Variants in AACS observed in about 807,000 individuals in gnomAD.
The protein encoded by AACS is acetoacetate-CoA ligase.
AACS carries 69 observed loss-of-function variants against 83.1 expected under a neutral mutation model. The ratio of observed to expected loss-of-function variants is 0.83; its 90% CI spans 0.68 to 1.01. The LOEUF is 1.01. Ranked by LOEUF, AACS falls within the 50% of genes least tolerant of loss-of-function variation. The probability of loss-of-function intolerance (pLI) is 0.00; values close to 1 mark genes in which losing one functional copy is unlikely to be tolerated. For synonymous variants in AACS, 333 were observed against 343.4 expected (o/e 0.97, Z 0.33); for missense variants, 866 against 882.2 (o/e 0.98, Z 0.23).
At chr12:125,121,269 A>T (rs576949069) in intron 10 of AACS, 1 of 152,568 alleles carries the variant, frequency 6.6e-6, no homozygotes, top group African/African-American at 2.4e-5. Context: ...GGTCGCCACC[A>T]GCAGTGAGAG....
At chr12:125,082,604 C>A (rs1302769040) in intron 3 of AACS, among the ~76,000 whole-genome samples, 1 of 152,006 alleles carries the variant, frequency 6.6e-6, no homozygotes, top group African/African-American at 2.4e-5. Context: ...GGGTGGATCA[C>A]AAGGTCAGGA....
chr12:125,137,189 TA>T lies in AACS; in HGVS notation c.1881+326del, dbSNP rs561307198. On this transcript the variant is annotated intron_variant, in intron 17 of 17. Transcript: ENST00000316519. ...AATTTTAACTTTTTATTTTTTATTT[TA>T]TTTTTTTGAGACTGAGTCTGTCACC... is the stretch of plus-strand genomic sequence containing the variant. 1.6e-4 allele frequency among the ~76,000 whole-genome samples: 24 copies of T among 152,348 alleles called. No individual in the cohort carries two copies. In the South Asian group the frequency reaches 5.0e-3, roughly 32 times the overall value.
chr12:125,083,860 G>A (rs1956262097), intron 3 of AACS, among the ~76,000 whole-genome samples: 1 of 151,652 alleles, frequency 6.6e-6, no homozygotes, highest in Admixed American at 6.6e-5. Flanking sequence ...CACCATGTTG[G>A]CCAGGCTGGT....
intron 1 of AACS, among the ~76,000 whole-genome samples, chr12:125,069,302 C>T (rs2136027250): frequency 6.6e-6 from 1 of 152,350 alleles, no homozygotes; most frequent in East Asian, 1.9e-4. Context: ...TTGCTCCCGC[C>T]CTGCAGGCTT....
intron 5 of AACS, among the ~76,000 whole-genome samples, chr12:125,093,980 C>T (rs1341764958): frequency 6.6e-6 from 1 of 152,202 alleles, no homozygotes; most frequent in Non-Finnish European, 1.5e-5. Flanking sequence ...GCGCTTGGTC[C>T]CACAGACACC....
intron 14 of AACS, among the ~76,000 whole-genome samples, chr12:125,132,235 T>C (rs1425446622): frequency 2.0e-5 from 3 of 151,214 alleles, no homozygotes; most frequent in Non-Finnish European, 4.4e-5. Context: ...GGGATCAAAG[T>C]GTGTCGGGGA....
chr12:125,099,244 G>C (rs73421900), intron 5 of AACS, among the ~76,000 whole-genome samples: 5,293 of 152,254 alleles, frequency 0.035, 188 homozygotes, highest in East Asian at 0.092. Context: ...TGTGTTTCCT[G>C]TCTTTCTCCG....
chr12:125,084,260 G>A lies in AACS; in HGVS notation c.359-2070G>A, dbSNP rs1340930590. On this transcript the variant is annotated intron_variant, in intron 3 of 17. Transcript: ENST00000316519. ...TTGAACCTGGGAGGCGGAGGGTGCA[G>A]TGAGCTGAGATCGCACCACTGCACA... 3.3e-5 allele frequency among the ~76,000 whole-genome samples: 5 copies of A among 151,722 alleles called. No individual in the cohort carries two copies. In the South Asian group the frequency reaches 6.3e-4, roughly 19 times the overall value.
intron 3 of AACS, among the ~76,000 whole-genome samples, chr12:125,084,900 G>A (rs748926139): frequency 1.3e-5 from 2 of 152,004 alleles, no homozygotes; most frequent in Non-Finnish European, 2.9e-5. Context: ...AACATTTTTT[G>A]TAGAGTCTCA....
chr12:125,069,747 C>T (rs1287521922), intron 1 of AACS, among the ~76,000 whole-genome samples: 2 of 152,236 alleles, frequency 1.3e-5, no homozygotes, highest in Admixed American at 6.5e-5. Flanking sequence ...CACGTCGGCT[C>T]TCTGTGCAAG....
chr12:125,134,605 G>A (rs1393829586), intron 15 of AACS, among the ~76,000 whole-genome samples, 189 bp from the exon 16 acceptor site: 1 of 152,156 alleles, frequency 6.6e-6, no homozygotes, highest in Non-Finnish European at 1.5e-5. Flanking sequence ...TGCCTCCCTC[G>A]ATGGAAAGCT....
chr12:125,077,509 C>CAA (rs34406989), intron 3 of AACS, among the ~76,000 whole-genome samples: 16 of 69,680 alleles, frequency 2.3e-4, no homozygotes, highest in East Asian at 4.6e-4. Flanking sequence ...GACTCTGTCT[C>CAA]AAAAAAAAAA....
Position 125,065,632 on chromosome 12 carries a change from G to A in AACS, c.48G>A (p.Gln16=), listed in dbSNP as rs1450399297. 9.1e-6 allele frequency: 14 copies of A among 1,544,600 alleles called. No homozygotes were observed. The highest frequency in any genetic ancestry group is 2.5e-5 in the East Asian group (1 of 40,052). The change falls in exon 1 of 18, where the codon CAG becomes CAA. Residue 16 remains glutamine, a synonymous_variant. Coordinates refer to ENST00000316519, the MANE Select transcript of AACS (RefSeq NM_023928.5). ...RPGREEILEC[Q]VMWEPDSKKN... is the part of the protein sequence containing the mutation. Reference sequence around the variant, plus strand: ...GTCGGGAGGAGATCCTGGAGTGCCAGGTGATGTGGGAGCCTGACAGTAAGA... The same window carrying A: ...GTCGGGAGGAGATCCTGGAGTGCCAAGTGATGTGGGAGCCTGACAGTAAGA...
chr12:125,070,837 C>T (rs774777149), intron 1 of AACS, among the ~76,000 whole-genome samples: 1 of 152,160 alleles, frequency 6.6e-6, no homozygotes, highest in Non-Finnish European at 1.5e-5. Flanking sequence ...TGTAGTCTGC[C>T]GTCTGGTTAG....
chr12:125,092,876 G>T (rs1419498887), intron 5 of AACS, among the ~76,000 whole-genome samples: 1 of 152,222 alleles, frequency 6.6e-6, no homozygotes, highest in East Asian at 1.9e-4. Flanking sequence ...CCTTGAGCCA[G>T]GCTGTCCAGG....
At chr12:125,124,559 A>C in intron 10 of AACS, 146 bp from the exon 11 acceptor site, 1 of 850,974 alleles carries the variant, frequency 1.2e-6, no homozygotes, top group South Asian at 1.8e-5. Flanking sequence ...CTCAGACTCG[A>C]GTAAACATGA....
chr12:125,070,693 A>G (rs914610), intron 1 of AACS, among the ~76,000 whole-genome samples: 56,200 of 151,964 alleles, frequency 0.37, 11,188 homozygotes, highest in African/African-American at 0.52. Context: ...TCCATCTGGC[A>G]CCTGATATGT....
chr12:125,113,629 C>A lies in AACS; in HGVS notation c.916-848C>A, dbSNP rs532061333. Among the ~76,000 whole-genome samples, 1 of 152,268 alleles carries A rather than the reference C, an allele frequency of 6.6e-6. No homozygotes were observed. The highest frequency in any genetic ancestry group is 2.4e-5 in the African/African-American group (1 of 41,542). ...CAGACATGAGGGAGCTCCCGGCATG[C>A]CAAGGAAGAGCTCCCAGGTGTGCTG... On this transcript the variant is annotated intron_variant, in intron 8 of 17. Coordinates refer to ENST00000316519, the MANE Select transcript of AACS (RefSeq NM_023928.5). The surrounding 1 kb of genome is among the most constrained non-coding windows in gnomAD (Gnocchi z 4.8).
chr12:125,141,115 T>C (rs951509801), intron 17 of AACS: 1 of 152,202 alleles, frequency 6.6e-6, no homozygotes, highest in Non-Finnish European at 1.5e-5. Flanking sequence ...GTTCAGGAAT[T>C]TACCCAGCAT....
Sources: gnomAD v4.1 joint callset for allele counts (sites outside exome capture counted in the v4.1 genomes callset) on GRCh38, gnomAD v4.1.1 for gene constraint, Gnocchi (gnomAD v3.1) non-coding constraint, MANE v1.5 for transcripts, NCBI Gene and HGNC (gene_info 2026-07-23, HGNC 2026-07-21) for gene names.